The following PPP4R3A variants were observed in gnomAD, a reference collection of about 807,000 sequenced individuals.
PPP4R3A encodes serine/threonine-protein phosphatase 4 regulatory subunit 3A.
Under a neutral mutation model 91.7 loss-of-function variants are expected in PPP4R3A, and 15 were observed. The ratio of observed to expected loss-of-function variants is 0.16; its 90% CI spans 0.11 to 0.25. PPP4R3A has a LOEUF of 0.25. Ranked by LOEUF, PPP4R3A falls within the 10% of genes least tolerant of loss-of-function variation. The pLI is 1.00. For missense variants in PPP4R3A, 623 were observed against 998.4 expected, an observed-to-expected ratio of 0.62 and a Z score of 5.07; for synonymous variants, 377 against 348.7, an observed-to-expected ratio of 1.08 and a Z score of -0.91.
chr14:91,464,898 A>G (rs1192187584), intron 11 of PPP4R3A, among the ~76,000 whole-genome samples: 1 of 152,162 alleles, frequency 6.6e-6, no homozygotes, highest in African/African-American at 2.4e-5. Context: ...CAGTTAACCA[A>G]AGGGTTCATG....
At chr14:91,472,327 T>TC (rs1888898067) in intron 9 of PPP4R3A, among the ~76,000 whole-genome samples, 1 of 152,184 alleles carries the variant, frequency 6.6e-6, no homozygotes, top group Non-Finnish European at 1.5e-5. Context: ...ATGAATTTTT[T>TC]CATAGCTACT....
intron 10 of PPP4R3A, 110 bp from the exon 11 acceptor site, chr14:91,465,529 T>C: frequency 1.1e-6 from 1 of 901,104 alleles, no homozygotes; most frequent in Non-Finnish European, 1.6e-6. Flanking sequence ...CACATATCAA[T>C]AATTATTTAT....
chr14:91,482,128 A>C lies in PPP4R3A; in HGVS notation c.363T>G (p.Arg121=). Residue 121 remains arginine, a synonymous_variant, in exon 4 of 15, where the codon CGT becomes CGG. Coordinates refer to ENST00000554943, the MANE Select transcript of PPP4R3A (RefSeq NM_001366432.2). The stretch of plus-strand genomic sequence containing the variant: ...AGCCTGGCGATGACATATCATCAAA[A>C]CGCTCCTCTTCAGATTCATCCACAA... ...QDLVDESEEE[R]FDDMSSPGLE... 2 of 1,614,146 alleles carry C rather than the reference A, an allele frequency of 1.2e-6. No individual in the cohort carries two copies. Among genetic ancestry groups the C allele is most frequent in the South Asian group, 1.1e-5 (1 of 91,080 alleles).
chr14:91,509,609 G>C lies in PPP4R3A; in HGVS notation c.39C>G (p.Leu13=), dbSNP rs776036065. ...DTRRRVKVYT[L]NEDRQWDDRG... ...GGTCGTCCCACTGCCGGTCCTCGTT[G>C]AGCGTGTACACCTTCACCCGCCGCC... Residue 13 remains leucine (L), a synonymous_variant, in exon 1 of 15, where the codon CTC becomes CTG. Coordinates refer to ENST00000554943, the MANE Select transcript of PPP4R3A (RefSeq NM_001366432.2). 1.9e-6 allele frequency: 3 copies of C among 1,602,962 alleles called. No homozygotes were observed. Among genetic ancestry groups the C allele is most frequent in the East Asian group, 4.5e-5 (2 of 44,832 alleles).
At chr14:91,468,687 AAAGG>A (rs1888639271) in intron 10 of PPP4R3A, among the ~76,000 whole-genome samples, 1 of 145,798 alleles carries the variant, frequency 6.9e-6, no homozygotes, top group African/African-American at 2.6e-5. Context: ...AAAAAAAAAA[AAAGG>A]AAAAAAGAAA....
At chr14:91,486,027 C>A (rs965239262) in intron 2 of PPP4R3A, among the ~76,000 whole-genome samples, 9 of 152,118 alleles carry the variant, frequency 5.9e-5, no homozygotes. Context: ...GCTATCCGAG[C>A]ATACTGACTT....
intron 14 of PPP4R3A, 111 bp downstream of exon 14, chr14:91,461,270 G>GA: frequency 1.1e-6 from 1 of 942,836 alleles, no homozygotes; most frequent in Non-Finnish European, 1.6e-6. Flanking sequence ...CTAGTTCAGG[G>GA]ATGTTAAATC....
At chr14:91,480,116 T>C (rs1889461544) in intron 4 of PPP4R3A, among the ~76,000 whole-genome samples, 1 of 152,020 alleles carries the variant, frequency 6.6e-6, no homozygotes, top group African/African-American at 2.4e-5. Flanking sequence ...GCAAATACCC[T>C]AAAACACCAG....
chr14:91,483,504 A>G (rs557126922), intron 3 of PPP4R3A, among the ~76,000 whole-genome samples: 10 of 152,324 alleles, frequency 6.6e-5, no homozygotes, highest in African/African-American at 2.4e-4. Flanking sequence ...TAAGTTCCTG[A>G]TACCCAAACT....
intron 4 of PPP4R3A, among the ~76,000 whole-genome samples, chr14:91,481,201 G>A (rs1889535517): frequency 6.6e-6 from 1 of 152,128 alleles, no homozygotes; most frequent in Non-Finnish European, 1.5e-5. Flanking sequence ...GGGTGGTGGT[G>A]CACACCTGTG....
intron 10 of PPP4R3A, among the ~76,000 whole-genome samples, chr14:91,469,107 T>A (rs1236898827): frequency 2.7e-5 from 3 of 110,426 alleles, no homozygotes; most frequent in South Asian, 3.6e-4. Context: ...AGGTTGCAAA[T>A]TTTTTCTGTA....
In PPP4R3A at chr14:91,507,850, T is replaced by TG. The variant is rs201908101; in HGVS notation, c.142+1655dup. 2.6e-4 allele frequency among the ~76,000 whole-genome samples: 39 copies of TG among 151,908 alleles called. 1 individual carries two copies. The East Asian group carries it at 6.9e-3, about 27-fold the overall frequency. On this transcript the variant is annotated intron_variant, in intron 1 of 14. Coordinates refer to ENST00000554943, the MANE Select transcript of PPP4R3A (RefSeq NM_001366432.2). ...AATCTACATATGCTTTCAGCTGGGATGGGGGTCATGCCTGTAATCCTAATA... is the reference window on the plus strand; with the variant it reads ...AATCTACATATGCTTTCAGCTGGGATGGGGGGTCATGCCTGTAATCCTAATA...
At chr14:91,503,948 A>G (rs1007705541) in intron 1 of PPP4R3A, among the ~76,000 whole-genome samples, 4 of 152,148 alleles carry the variant, frequency 2.6e-5, no homozygotes, top group African/African-American at 9.7e-5. Flanking sequence ...TTCCTTAAAG[A>G]AAAGCATGGG....
At position 91,495,314 on chromosome 14, in the gene PPP4R3A, G is replaced by GTGTGTGTGTGTGTGTGTGTGTA. The variant is rs1325436318; in HGVS notation, c.143-4513_143-4512insTACACACACACACACACACACA. Among the ~76,000 whole-genome samples, 93 of 147,194 alleles carry GTGTGTGTGTGTGTGTGTGTGTA rather than the reference G, an allele frequency of 6.3e-4. 1 individual carries two copies. Among genetic ancestry groups the GTGTGTGTGTGTGTGTGTGTGTA allele is most frequent in the African/African-American group, 2.3e-3 (92 of 39,638 alleles). Reference sequence around the variant, plus strand: ...GTCCAGATACATAATGTGTGTGTGTGTGTGTGTGTGTATGTTTTTTTTTAG... The same window carrying GTGTGTGTGTGTGTGTGTGTGTA: ...GTCCAGATACATAATGTGTGTGTGTGTGTGTGTGTGTGTGTGTGTGTATGTGTGTGTGTATGTTTTTTTTTAG... On this transcript the variant is annotated intron_variant, in intron 1 of 14. Coordinates refer to ENST00000554943, the MANE Select transcript of PPP4R3A (RefSeq NM_001366432.2).
At chr14:91,484,673 C>G (rs758810990) in intron 3 of PPP4R3A, among the ~76,000 whole-genome samples, 1 of 152,014 alleles carries the variant, frequency 6.6e-6, no homozygotes, top group South Asian at 2.1e-4. Flanking sequence ...GGTCTGGGGT[C>G]GGCGGGAGGG....
chr14:91,486,669 C>T (rs1392066359), intron 2 of PPP4R3A, among the ~76,000 whole-genome samples: 3 of 152,074 alleles, frequency 2.0e-5, no homozygotes, highest in Admixed American at 6.5e-5. Context: ...CCTGTAATCC[C>T]AGCACTTTGG....
At chr14:91,510,552 T>C (rs1384216093), upstream of PPP4R3A, 1 of 152,304 alleles carries the variant, frequency 6.6e-6, no homozygotes, top group Non-Finnish European at 1.5e-5. Context: ...CTGGGCGGTG[T>C]GTGCGTCCGT....
At chr14:91,504,959 TGA>T (rs1434783082) in intron 1 of PPP4R3A, among the ~76,000 whole-genome samples, 1 of 152,128 alleles carries the variant, frequency 6.6e-6, no homozygotes, top group Non-Finnish European at 1.5e-5. Context: ...GACCCAATAA[TGA>T]GAGAATTTTA....
At chr14:91,502,257 T>C (rs1392512862) in intron 1 of PPP4R3A, among the ~76,000 whole-genome samples, 2 of 151,984 alleles carry the variant, frequency 1.3e-5, no homozygotes, top group Non-Finnish European at 2.9e-5. Flanking sequence ...CCACCTCCCC[T>C]GAAAAAATTT....
Sources: allele counts gnomAD v4.1 joint callset (sites outside exome capture counted in the v4.1 genomes callset), GRCh38; gene constraint gnomAD v4.1.1; transcripts MANE v1.5; gene names NCBI Gene and HGNC (gene_info 2026-07-23, HGNC 2026-07-21).